ANKS1B: variants seen among roughly 807,000 people sequenced by gnomAD.
ANKS1B encodes the protein ankyrin repeat and sterile alpha motif domain-containing protein 1B.
Under a neutral mutation model 148.3 loss-of-function variants are expected in ANKS1B, and 36 were observed. The observed-to-expected ratio is 0.24, with a 90% CI of 0.19 to 0.32. The LOEUF is 0.32. ANKS1B is among the 10% of genes least tolerant of loss of function. The probability of loss-of-function intolerance (pLI) is 1.00; values close to 1 mark genes in which losing one functional copy is unlikely to be tolerated. For missense variants in ANKS1B, 1,157 were observed against 1,542.6 expected (o/e 0.75, Z 4.19); for synonymous variants, 542 against 560.8 (o/e 0.97, Z 0.47).
chr12:99,589,725 A>T (rs1284878885), intron 9 of ANKS1B, among the ~76,000 whole-genome samples: 1 of 152,234 alleles, frequency 6.6e-6, no homozygotes, highest in Non-Finnish European at 1.5e-5. Flanking sequence ...AGAAGAGGAA[A>T]CTAATGGAAA....
At chr12:99,475,437 A>G (rs984225459) in intron 10 of ANKS1B, among the ~76,000 whole-genome samples, 1 of 151,844 alleles carries the variant, frequency 6.6e-6, no homozygotes, top group Non-Finnish European at 1.5e-5. Context: ...GATAAAAACT[A>G]TCAAATAGAA....
chr12:98,869,344 A>G (rs1376674684), intron 17 of ANKS1B, among the ~76,000 whole-genome samples: 1 of 152,054 alleles, frequency 6.6e-6, no homozygotes, highest in Non-Finnish European at 1.5e-5. Flanking sequence ...CTGCTCCCCT[A>G]CGAGGACTGG....
chr12:99,338,630 G>A (rs765574550), intron 12 of ANKS1B, among the ~76,000 whole-genome samples: 6 of 152,122 alleles, frequency 3.9e-5, no homozygotes, highest in Non-Finnish European at 8.8e-5. Flanking sequence ...GAATATGCTG[G>A]GCCATGCCAG....
At chr12:99,004,959 C>G (rs967839980) in intron 17 of ANKS1B, among the ~76,000 whole-genome samples, 10 of 152,194 alleles carry the variant, frequency 6.6e-5, no homozygotes, top group Admixed American at 1.3e-4. Flanking sequence ...GGTGAAGATG[C>G]ATTGCTCAAT....
At chr12:98,933,029 A>G (rs140608040) in intron 17 of ANKS1B, among the ~76,000 whole-genome samples, 5 of 152,290 alleles carry the variant, frequency 3.3e-5, no homozygotes, top group African/African-American at 1.2e-4. Flanking sequence ...TTAAGTGTAC[A>G]TTATTGTTGA....
At chr12:99,013,864 G>C (rs933441546) in intron 17 of ANKS1B, among the ~76,000 whole-genome samples, 4 of 152,030 alleles carry the variant, frequency 2.6e-5, no homozygotes, top group Non-Finnish European at 4.4e-5. Context: ...AAAGAAATCA[G>C]AGATGATACA....
chr12:99,826,146 T>G (rs979739410), intron 1 of ANKS1B, among the ~76,000 whole-genome samples: 14 of 152,218 alleles, frequency 9.2e-5, no homozygotes, highest in Admixed American at 3.9e-4. Context: ...ATATCAAAAC[T>G]ATCAAAGATA....
At chr12:99,338,197 G>A (rs548296213) in intron 12 of ANKS1B, among the ~76,000 whole-genome samples, 94 of 152,226 alleles carry the variant, frequency 6.2e-4, no homozygotes, top group African/African-American at 2.1e-3. Context: ...TTAGGAATCC[G>A]CTTGGTACTA....
intron 14 of ANKS1B, among the ~76,000 whole-genome samples, chr12:99,179,203 C>T (rs1447025987): frequency 1.3e-5 from 2 of 151,538 alleles, no homozygotes; most frequent in East Asian, 1.9e-4. Context: ...CTGAGGTGGG[C>T]GGATCACGAG....
chr12:99,422,876 G>T, intron 11 of ANKS1B, among the ~76,000 whole-genome samples: 1 of 152,160 alleles, frequency 6.6e-6, no homozygotes, highest in East Asian at 1.9e-4. Flanking sequence ...TACAAAGGAG[G>T]TAAGGGTGGA....
chr12:99,275,741 A>G (rs2077594269), intron 12 of ANKS1B, among the ~76,000 whole-genome samples: 2 of 152,200 alleles, frequency 1.3e-5, no homozygotes, highest in Admixed American at 1.3e-4. Context: ...TGGCTATACC[A>G]TATTCAAACA....
At chr12:99,822,256 A>C (rs545994104) in intron 2 of ANKS1B, among the ~76,000 whole-genome samples, 30 of 152,264 alleles carry the variant, frequency 2.0e-4, no homozygotes, top group Non-Finnish European at 3.7e-4. Context: ...ATGTTAGGTG[A>C]AAAAACAAAA....
chr12:99,554,579 C>CA (rs2097257081), intron 9 of ANKS1B, among the ~76,000 whole-genome samples: 1 of 152,184 alleles, frequency 6.6e-6, no homozygotes, highest in African/African-American at 2.4e-5. Context: ...GGTCCCCACT[C>CA]AAACAGAGCT....
Position 99,292,639 on chromosome 12 carries a change from C to A in ANKS1B, c.1757-45775G>T, listed in dbSNP as rs568742302. On this transcript the variant is annotated intron_variant, in intron 12 of 26. Transcript: ENST00000683438. ...AATATCCAGAATCTACAAAGAACTC[C>A]AACAAATTTACAAGAAAAAAAAGAA... Among the ~76,000 whole-genome samples, 270 of 151,720 alleles carry A rather than the reference C, an allele frequency of 1.8e-3. 1 individual carries two copies. Among genetic ancestry groups the A allele is most frequent in the African/African-American group, 6.0e-3 (249 of 41,442 alleles).
At chr12:99,318,630 T>A (rs1004468839) in intron 12 of ANKS1B, among the ~76,000 whole-genome samples, 2 of 152,192 alleles carry the variant, frequency 1.3e-5, no homozygotes, top group African/African-American at 2.4e-5. Flanking sequence ...AGCTCCTGGA[T>A]TCATTGATTT....
chr12:99,613,671 AGAG>A (rs1192746757), intron 9 of ANKS1B, among the ~76,000 whole-genome samples: 1 of 152,054 alleles, frequency 6.6e-6, no homozygotes, highest in African/African-American at 2.4e-5. Context: ...ATGGACACAT[AGAG>A]GAGAACAACG....
chr12:99,288,430 T>G (rs1253195864), intron 12 of ANKS1B, among the ~76,000 whole-genome samples: 1 of 151,974 alleles, frequency 6.6e-6, no homozygotes, highest in African/African-American at 2.4e-5. Flanking sequence ...TTCTTCAATC[T>G]GAAAGAAAAT....
At chr12:99,249,027 C>T (rs1471750465) in intron 12 of ANKS1B, among the ~76,000 whole-genome samples, 1 of 151,970 alleles carries the variant, frequency 6.6e-6, no homozygotes, top group Middle Eastern at 3.2e-3. Flanking sequence ...GCATCTTGTT[C>T]CAATGCATTT....
chr12:99,984,359 C>T lies in ANKS1B; in HGVS notation c.-122G>A. 1 of 841,058 alleles carries T rather than the reference C, an allele frequency of 1.2e-6. No individual in the cohort carries two copies. The highest frequency in any genetic ancestry group is 1.8e-6 in the Non-Finnish European group (1 of 565,896). 52.1% of individuals were successfully genotyped at this position (841,058 alleles called of 1,614,324 possible). A position where few individuals can be genotyped will look rare whatever the true frequency, so the allele number is the denominator to read the frequency against. On this transcript the variant is annotated 5_prime_UTR_variant, in exon 1 of 27. Transcript: ENST00000683438. ...CCCTAAAATAATGCAAGAGCTTCAG[C>T]ACGGAGAGCTCCCTGCAGCCCCAGG... is the stretch of plus-strand genomic sequence containing the variant.
Sources: allele counts gnomAD v4.1 joint callset (sites outside exome capture counted in the v4.1 genomes callset), GRCh38; gene constraint gnomAD v4.1.1; transcripts MANE v1.5; gene names NCBI Gene and HGNC (gene_info 2026-07-23, HGNC 2026-07-21).